The following CTPS2 variants were observed in gnomAD, a reference collection of about 807,000 sequenced individuals.
CTPS2 encodes CTP synthase II.
A neutral mutation model predicts 46.8 loss-of-function variants in CTPS2; 19 were observed. The ratio of observed to expected loss-of-function variants is 0.41; its 90% CI spans 0.28 to 0.60. CTPS2 has a LOEUF of 0.60. Among genes scored for constraint, CTPS2 ranks in the 20% least tolerant of loss-of-function variants. The pLI, the probability that CTPS2 is intolerant of heterozygous loss-of-function variation, is 0.35. For missense variants in CTPS2, 286 were observed against 447.6 expected, an observed-to-expected ratio of 0.64 and a Z score of 3.26; for synonymous variants, 151 against 165.2, an observed-to-expected ratio of 0.91 and a Z score of 0.66.
chrX:16,649,109 C>T (rs1041573672), intron 13 of CTPS2, among the ~76,000 whole-genome samples: 4 of 112,180 alleles, frequency 3.6e-5, no homozygotes, highest in African/African-American at 1.3e-4. Flanking sequence ...ATCTCCTTGG[C>T]AATTTTAAAT....
chrX:16,641,057 T>C (rs1180583135), intron 13 of CTPS2, among the ~76,000 whole-genome samples: 1 of 112,022 alleles, frequency 8.9e-6, no homozygotes, highest in Non-Finnish European at 1.9e-5. Flanking sequence ...TAGCTAATTA[T>C]GGCTAGGTTA....
intron 13 of CTPS2, among the ~76,000 whole-genome samples, chrX:16,666,355 T>G (rs1205701937): frequency 9.0e-6 from 1 of 111,599 alleles, no homozygotes; most frequent in Non-Finnish European, 1.9e-5. Context: ...GTAACTGAGT[T>G]GTTGTTAATT....
At chrX:16,680,794 G>A (rs1037273987) in intron 9 of CTPS2, among the ~76,000 whole-genome samples, 10 of 111,234 alleles carry the variant, frequency 9.0e-5, no homozygotes, top group Non-Finnish European at 1.5e-4. Context: ...GGTGGCTCAC[G>A]CCTGTAATCC....
At chrX:16,623,248 C>T (rs893772020) in intron 14 of CTPS2, among the ~76,000 whole-genome samples, 4 of 111,820 alleles carry the variant, frequency 3.6e-5, no homozygotes, top group Non-Finnish European at 7.5e-5. Flanking sequence ...AGCATTTATC[C>T]TTTCAGTTAC....
intron 6 of CTPS2, among the ~76,000 whole-genome samples, 154 bp from the exon 7 acceptor site, chrX:16,691,774 A>G (rs188297638): frequency 8.9e-6 from 1 of 112,617 alleles, no homozygotes; most frequent in East Asian, 2.8e-4. Flanking sequence ...TAATATAAGT[A>G]TAATCAAATT....
chrX:16,638,187 G>A (rs993231538), intron 14 of CTPS2, among the ~76,000 whole-genome samples: 1 of 108,375 alleles, frequency 9.2e-6, no homozygotes, highest in Non-Finnish European at 1.9e-5. Context: ...CCCAGGAGGC[G>A]GAGCTTGCAG....
chrX:16,643,434 T>C (rs893733410), intron 13 of CTPS2, among the ~76,000 whole-genome samples: 1 of 111,196 alleles, frequency 9.0e-6, no homozygotes, highest in African/African-American at 3.3e-5. Flanking sequence ...CTTGAATTCC[T>C]GGGCTGAAGC....
chrX:16,605,134 A>G (rs1929897834), intron 17 of CTPS2, among the ~76,000 whole-genome samples: 1 of 111,450 alleles, frequency 9.0e-6, no homozygotes, highest in African/African-American at 3.3e-5. Flanking sequence ...AATGTGATCT[A>G]TGGTGAACAC....
At chrX:16,641,647 G>A (rs755906157) in intron 13 of CTPS2, among the ~76,000 whole-genome samples, 14 of 112,206 alleles carry the variant, frequency 1.2e-4, no homozygotes, top group Non-Finnish European at 2.3e-4. Context: ...GAGGTGGAAA[G>A]ATTGCTAGAG....
intron 13 of CTPS2, among the ~76,000 whole-genome samples, chrX:16,642,566 G>A (rs934058664): frequency 1.8e-5 from 2 of 111,508 alleles, no homozygotes; most frequent in African/African-American, 3.3e-5. Flanking sequence ...GAAGCGGAAG[G>A]TCAGGGCAAG....
intron 17 of CTPS2, among the ~76,000 whole-genome samples, chrX:16,591,419 C>T (rs1453940111): frequency 1.8e-5 from 2 of 111,288 alleles, no homozygotes; most frequent in African/African-American, 3.3e-5. Flanking sequence ...ACATAGCATA[C>T]GATATTACCT....
intron 10 of CTPS2, among the ~76,000 whole-genome samples, chrX:16,673,221 T>C (rs1191090600): frequency 9.0e-6 from 1 of 111,384 alleles, no homozygotes; most frequent in Non-Finnish European, 1.9e-5. Context: ...TCTGGTGTGC[T>C]TTGTGTGTCT....
At chrX:16,710,547 C>T (rs1222253562) in intron 1 of CTPS2, among the ~76,000 whole-genome samples, 5 of 112,335 alleles carry the variant, frequency 4.5e-5, no homozygotes, top group Non-Finnish European at 9.4e-5. Context: ...TTTAAAGCAC[C>T]TTGGATATTT....
At position 16,598,531 on chromosome X, in the gene CTPS2, A is replaced by T. The variant is rs1929433033; in HGVS notation, c.1692-7669T>A. Among the ~76,000 whole-genome samples the T allele has an allele frequency of 3.6e-5, 4 of 112,030 alleles. No individual in the cohort carries two copies. The South Asian group carries it at 1.1e-3, about 31-fold the overall frequency. On this transcript the variant is annotated intron_variant, in intron 17 of 18. Coordinates refer to ENST00000359276, the MANE Select transcript of CTPS2 (RefSeq NM_175859.3). ...AGGAAGAAGTTGAATCTCTGAATAG[A>T]CCAATAACAGGAGCTGAAATTGTGG...
At chrX:16,659,022 G>A (rs1371136787) in intron 13 of CTPS2, among the ~76,000 whole-genome samples, 1 of 111,725 alleles carries the variant, frequency 9.0e-6, no homozygotes, top group Non-Finnish European at 1.9e-5. Flanking sequence ...TTGGATGTTC[G>A]AATATTTTAT....
intron 17 of CTPS2, among the ~76,000 whole-genome samples, chrX:16,609,057 T>C (rs1254478502): frequency 9.0e-6 from 1 of 111,618 alleles, no homozygotes; most frequent in South Asian, 3.7e-4. Context: ...CTAAACTCTT[T>C]AGGGAGAACA....
intron 17 of CTPS2, among the ~76,000 whole-genome samples, chrX:16,599,461 CTTTTTCTTT>C (rs1287075634): frequency 1.1e-4 from 11 of 100,788 alleles, no homozygotes; most frequent in Non-Finnish European, 1.8e-4. Context: ...TTTTCTTTTT[CTTTTTCTTT>C]TTTTTCTTTT....
intron 10 of CTPS2, among the ~76,000 whole-genome samples, chrX:16,671,023 G>A (rs1569222767): frequency 1.8e-5 from 2 of 111,977 alleles, no homozygotes; most frequent in East Asian, 2.8e-4. Flanking sequence ...TTATAAAAAT[G>A]TTAAGATCTC....
chrX:16,622,957 CA>C (rs1930920602), intron 14 of CTPS2, among the ~76,000 whole-genome samples: 1 of 111,691 alleles, frequency 9.0e-6, no homozygotes, highest in Non-Finnish European at 1.9e-5. Context: ...TTAAATAAAT[CA>C]AAATATGGGA....
Sources: allele counts gnomAD v4.1 joint callset (sites outside exome capture counted in the v4.1 genomes callset), GRCh38; gene constraint gnomAD v4.1.1; transcripts MANE v1.5; gene names NCBI Gene and HGNC (gene_info 2026-07-23, HGNC 2026-07-21).